Variants in PEX7 observed in about 807,000 individuals in gnomAD.
The protein encoded by PEX7 is PTS2 receptor.
Under a neutral mutation model 47.5 loss-of-function variants are expected in PEX7, and 34 were observed. The ratio of observed to expected loss-of-function variants is 0.72; its 90% confidence interval spans 0.54 to 0.95. The LOEUF is 0.95. PEX7 is among the 40% of genes least tolerant of loss of function. The pLI, the probability that PEX7 is intolerant of heterozygous loss-of-function variation, is 0.00. For missense variants in PEX7, 394 were observed against 400.3 expected (o/e 0.98, Z 0.13); for synonymous variants, 141 against 148.8 (o/e 0.95, Z 0.38).
At chr6:136,838,021 T>C (rs1774426174) in intron 3 of PEX7, among the ~76,000 whole-genome samples, 1 of 152,206 alleles carries the variant, frequency 6.6e-6, no homozygotes, top group Non-Finnish European at 1.5e-5. Context: ...TATTATAAAA[T>C]AGTTGATAAG....
At chr6:136,848,374 A>G (rs978931722) in intron 5 of PEX7, among the ~76,000 whole-genome samples, 5 of 152,174 alleles carry the variant, frequency 3.3e-5, no homozygotes, top group African/African-American at 1.2e-4. Flanking sequence ...AACTTCCAAC[A>G]CTATGTTGAA....
At chr6:136,913,427 C>T (rs765438994) in intron 9 of PEX7, 31 bp from the exon 10 acceptor site, 30 of 1,511,688 alleles carry the variant, frequency 2.0e-5, no homozygotes, top group South Asian at 3.4e-5. Context: ...TGTCTAAATA[C>T]GTTTCTTCTT....
At chr6:136,899,396 C>G (rs1032082315) in intron 9 of PEX7, among the ~76,000 whole-genome samples, 2 of 152,094 alleles carry the variant, frequency 1.3e-5, no homozygotes, top group Admixed American at 1.3e-4. Flanking sequence ...GCACATGCCA[C>G]CATGCCTGGC....
intron 7 of PEX7, among the ~76,000 whole-genome samples, 189 bp downstream of exon 7, chr6:136,870,192 G>A (rs1302195041): frequency 1.3e-5 from 2 of 152,138 alleles, no homozygotes; most frequent in African/African-American, 2.4e-5. Context: ...ATGATTGAAT[G>A]AATTTGGGCA....
intron 3 of PEX7, among the ~76,000 whole-genome samples, chr6:136,827,625 T>C (rs1582733748): frequency 6.6e-6 from 1 of 151,668 alleles, no homozygotes; most frequent in East Asian, 1.9e-4. Flanking sequence ...CCTTCTGGAA[T>C]GGGCTCAAGC....
At position 136,900,540 on chromosome 6, in the gene PEX7, C is replaced by A; in HGVS notation, c.903+2299C>A. 1 of 460,732 alleles carries A rather than the reference C, an allele frequency of 2.2e-6. No homozygotes were observed. Among genetic ancestry groups the A allele is most frequent in the Non-Finnish European group, 4.3e-6 (1 of 231,252 alleles). The allele number at this position is 460,732 out of a possible 1,614,324, so 28.5% of individuals were successfully genotyped here. On this transcript the variant is annotated intron_variant, in intron 9 of 9. Transcript: ENST00000318471. The surrounding 1 kb of genome is among the most constrained non-coding windows in gnomAD (Gnocchi z 4.2). ...TAGCTTCCACCATCTTAGCCAAAGC[C>A]CTTTTGTCTTCCGAGTTAATCTGTG...
chr6:136,903,863 G>A lies in PEX7; in HGVS notation c.903+5622G>A, dbSNP rs112298140. Among the ~76,000 whole-genome samples the A allele has an allele frequency of 4.4e-3, 665 of 150,654 alleles. 2 individuals are homozygous for A. Among genetic ancestry groups the A allele is most frequent in the African/African-American group, 0.015 (625 of 40,942 alleles). On this transcript the variant is annotated intron_variant, in intron 9 of 9. Coordinates refer to ENST00000318471, the MANE Select transcript of PEX7 (RefSeq NM_000288.4). ...TTTTTTTAATTTTTTGTAGAAATGA[G>A]GTCTCACTGTGTTGCCCAGGCTGGT...
intron 3 of PEX7, among the ~76,000 whole-genome samples, chr6:136,839,506 C>T (rs954321944): frequency 4.6e-5 from 7 of 151,988 alleles, no homozygotes; most frequent in African/African-American, 9.7e-5. Context: ...TTTTTCTTTT[C>T]CCATTTTCCT....
At chr6:136,861,106 A>G (rs1159764577) in intron 5 of PEX7, among the ~76,000 whole-genome samples, 1 of 151,930 alleles carries the variant, frequency 6.6e-6, no homozygotes, top group Non-Finnish European at 1.5e-5. Flanking sequence ...ATTTTTTGAG[A>G]CAGAGTCTGG....
chr6:136,905,650 A>C (rs1432386095), intron 9 of PEX7, among the ~76,000 whole-genome samples: 2 of 152,092 alleles, frequency 1.3e-5, no homozygotes, highest in African/African-American at 4.8e-5. Flanking sequence ...TTTGCTACAT[A>C]TCTTCATCAC....
intron 3 of PEX7, among the ~76,000 whole-genome samples, chr6:136,838,398 G>GT (rs1562731435): frequency 2.0e-5 from 3 of 152,164 alleles, no homozygotes; most frequent in Non-Finnish European, 1.5e-5. Context: ...CAATAACTTG[G>GT]TTTTTTCAAC....
At chr6:136,877,555 A>G (rs1775297638) in intron 8 of PEX7, among the ~76,000 whole-genome samples, 1 of 152,174 alleles carries the variant, frequency 6.6e-6, no homozygotes, top group South Asian at 2.1e-4. Context: ...TTCCAACACC[A>G]TTTATTAAAT....
intron 5 of PEX7, among the ~76,000 whole-genome samples, chr6:136,857,339 T>C (rs930292966): frequency 6.6e-6 from 1 of 152,180 alleles, no homozygotes; most frequent in African/African-American, 2.4e-5. Context: ...GATATGGGAG[T>C]AACCATCTTA....
At position 136,913,478 on chromosome 6, in the gene PEX7, T is replaced by C; in HGVS notation, c.924T>C (p.Asp308=). The C allele has an allele frequency of 6.2e-7, 1 of 1,612,442 alleles. No individual in the cohort carries two copies. The highest frequency in any genetic ancestry group is 8.5e-7 in the Non-Finnish European group (1 of 1,178,840). The change falls in exon 10 of 10, where the codon GAT becomes GAC. Residue 308 remains aspartate (D), a synonymous_variant. Coordinates refer to ENST00000318471, the MANE Select transcript of PEX7 (RefSeq NM_000288.4). The part of the protein sequence containing the change: ...SPTQVADCSW[D]ETIKIYDPAC... ...TCTAGGTGGCTGACTGTTCTTGGGA[T>C]GAAACAATAAAGATCTATGACCCTG...
intron 5 of PEX7, among the ~76,000 whole-genome samples, chr6:136,858,994 A>G (rs1774911359): frequency 6.6e-6 from 1 of 152,262 alleles, no homozygotes; most frequent in Non-Finnish European, 1.5e-5. Flanking sequence ...GTGGAAGCTT[A>G]TGTGATAGGC....
intron 9 of PEX7, among the ~76,000 whole-genome samples, chr6:136,911,325 C>T (rs1775929140): frequency 6.6e-6 from 1 of 152,152 alleles, no homozygotes; most frequent in Non-Finnish European, 1.5e-5. Context: ...TTAGCAATTC[C>T]TCCCTTTGTT....
chr6:136,865,340 CT>C (rs1401783584), intron 5 of PEX7, among the ~76,000 whole-genome samples: 4 of 152,090 alleles, frequency 2.6e-5, no homozygotes, highest in Non-Finnish European at 5.9e-5. Flanking sequence ...CTCTTGTTGT[CT>C]GGGTTGGAGT....
At chr6:136,826,602 A>G (rs1042238109) in intron 3 of PEX7, 133 bp downstream of exon 3, 8 of 1,007,324 alleles carry the variant, frequency 7.9e-6, no homozygotes, top group Non-Finnish European at 1.2e-5. Context: ...TACATACTAG[A>G]TGTCACTTAT....
intron 9 of PEX7, among the ~76,000 whole-genome samples, chr6:136,902,535 T>C (rs774178019): frequency 7.2e-5 from 11 of 152,208 alleles, no homozygotes; most frequent in Non-Finnish European, 1.5e-4. Flanking sequence ...AAATGCTCTA[T>C]GCCCTCTCTT....
Sources: gnomAD v4.1 joint callset for allele counts (sites outside exome capture counted in the v4.1 genomes callset) on GRCh38, gnomAD v4.1.1 for gene constraint, Gnocchi (gnomAD v3.1) non-coding constraint, MANE v1.5 for transcripts, NCBI Gene and HGNC (gene_info 2026-07-23, HGNC 2026-07-21) for gene names.